SLC2A2: variants seen among roughly 807,000 people sequenced by gnomAD.
SLC2A2 encodes the protein solute carrier family 2, facilitated glucose transporter member 2.
In SLC2A2, 36 loss-of-function variants were observed where a neutral mutation model predicts 54.5. The observed-to-expected ratio is 0.66, with a 90% CI of 0.51 to 0.87. The LOEUF (loss-of-function observed/expected upper bound fraction) is 0.87, where lower values mean the gene tolerates loss of function less well. SLC2A2 is among the 40% of genes least tolerant of loss of function. The probability of loss-of-function intolerance (pLI) is 0.00; values close to 1 mark genes in which losing one functional copy is unlikely to be tolerated. For synonymous variants in SLC2A2, 223 were observed against 219.1 expected (o/e 1.02, Z -0.16); for missense variants, 543 against 624.3 (o/e 0.87, Z 1.39).
rs761992056 is a variant in SLC2A2, at chr3:171,018,580, C to T, written c.59G>A (p.Gly20Asp). The part of the protein sequence containing the change: ...LVFTVITAVL[G>D]SFQFGYDIGV... Reference sequence around the variant, plus strand: ...AATGTCATATCCAAACTGGAAGGAACCCAGCACAGCAGTGATGACAGTGAA... The same window carrying T: ...AATGTCATATCCAAACTGGAAGGAATCCAGCACAGCAGTGATGACAGTGAA... Residue 20 changes from glycine to aspartate, a missense_variant, in exon 2 of 11, where the codon GGT (glycine) becomes GAT (aspartate). By Grantham distance (94) the Gly-to-Asp change is moderately conservative. This residue lies in a region of SLC2A2 where 318 missense variants were observed against 343.8 expected (regional missense o/e 0.93). Coordinates refer to ENST00000314251, the MANE Select transcript of SLC2A2 (RefSeq NM_000340.2). The T allele has an allele frequency of 1.2e-6, 2 of 1,613,970 alleles. No individual in the cohort carries two copies. The highest frequency in any genetic ancestry group is 1.7e-6 in the Non-Finnish European group (2 of 1,179,878).
chr3:171,021,893 A>C (rs1366990028), intron 1 of SLC2A2, among the ~76,000 whole-genome samples: 4 of 152,138 alleles, frequency 2.6e-5, no homozygotes, highest in African/African-American at 7.2e-5. Flanking sequence ...GGTCCTTCTC[A>C]TGTTACATCT....
At chr3:171,010,900 G>C (rs1715853239) in intron 3 of SLC2A2, among the ~76,000 whole-genome samples, 1 of 152,014 alleles carries the variant, frequency 6.6e-6, no homozygotes, top group South Asian at 2.1e-4. Context: ...TAATTAATGG[G>C]AAAGCGAGGT....
intron 2 of SLC2A2, among the ~76,000 whole-genome samples, chr3:171,017,964 T>A (rs954996606): frequency 1.3e-5 from 2 of 152,194 alleles, no homozygotes; most frequent in Non-Finnish European, 2.9e-5. Flanking sequence ...TTACTTTGGG[T>A]CACCTATGGG....
At position 170,998,188 on chromosome 3, in the gene SLC2A2, C is replaced by G; in HGVS notation, c.1374+5G>C. 6.2e-7 allele frequency: 1 copy of G among 1,613,698 alleles called. No individual in the cohort carries two copies. The highest frequency in any genetic ancestry group is 8.5e-7 in the Non-Finnish European group (1 of 1,179,726). On this transcript the variant is annotated splice_donor_5th_base_variant and intron_variant, in intron 10 of 10. Transcript: ENST00000314251. ...AGTAAATCTGTGGAATATTAGGCTG[C>G]TTACCGCAATGTACTGGAAACACAG... is the stretch of plus-strand genomic sequence containing the variant.
chr3:171,024,257 A>G (rs548705289), intron 1 of SLC2A2, among the ~76,000 whole-genome samples: 1 of 152,292 alleles, frequency 6.6e-6, no homozygotes, highest in South Asian at 2.1e-4. Context: ...TTATCATCTC[A>G]TTCATTTCTT....
At chr3:171,021,614 C>G (rs934123196) in intron 1 of SLC2A2, among the ~76,000 whole-genome samples, 1 of 152,074 alleles carries the variant, frequency 6.6e-6, no homozygotes, top group African/African-American at 2.4e-5. Flanking sequence ...AGCGAGATCC[C>G]CATCTCTACA....
At chr3:171,002,846 C>T (rs1370014377) in intron 7 of SLC2A2, among the ~76,000 whole-genome samples, 166 bp from the exon 8 acceptor site, 1 of 152,008 alleles carries the variant, frequency 6.6e-6, no homozygotes, top group Non-Finnish European at 1.5e-5. Context: ...CTCAGTCTTC[C>T]TTTAGTGTTT....
At chr3:171,002,890 T>C (rs1193766601) in intron 7 of SLC2A2, among the ~76,000 whole-genome samples, 1 of 152,042 alleles carries the variant, frequency 6.6e-6, no homozygotes. Flanking sequence ...CCTCCTTATA[T>C]TTAGTTGAGA....
At chr3:171,017,151 C>T (rs772549073) in intron 2 of SLC2A2, among the ~76,000 whole-genome samples, 1 of 152,104 alleles carries the variant, frequency 6.6e-6, no homozygotes, top group Non-Finnish European at 1.5e-5. Flanking sequence ...TGCGCCCGGC[C>T]AGGGATGGTT....
chr3:171,019,075 GTATATATATATGTGTGTGTGTGTATATA>G (rs1716302038), intron 1 of SLC2A2, among the ~76,000 whole-genome samples: 1 of 134,460 alleles, frequency 7.4e-6, no homozygotes, highest in Non-Finnish European at 1.5e-5. Flanking sequence ...GTGTGTGTGT[GTATATATATATGTGTGTGTGTGTATATA>G]TATATATATA....
At position 170,997,814 on chromosome 3, in the gene SLC2A2, T is replaced by C. The variant is rs549221408; in HGVS notation, c.*89A>G. ...ATAAAAATAAAACAATACTTAAAGATGTGGATATAAAATGCTCAAGGAATC... is the reference window on the plus strand; with the variant it reads ...ATAAAAATAAAACAATACTTAAAGACGTGGATATAAAATGCTCAAGGAATC... On this transcript the variant is annotated 3_prime_UTR_variant, in exon 11 of 11. Coordinates refer to ENST00000314251, the MANE Select transcript of SLC2A2 (RefSeq NM_000340.2). 9.9e-7 allele frequency: 1 copy of C among 1,006,808 alleles called. No homozygotes were observed. Among genetic ancestry groups the C allele is most frequent in the Admixed American group, 1.9e-5 (1 of 52,332 alleles). The allele number at this position is 1,006,808 out of a possible 1,614,324, so 62.4% of individuals were successfully genotyped here.
chr3:171,020,661 T>C (rs1306358323), intron 1 of SLC2A2, among the ~76,000 whole-genome samples: 1 of 152,090 alleles, frequency 6.6e-6, no homozygotes, highest in Admixed American at 6.6e-5. Flanking sequence ...GGTGGGCAGA[T>C]GGCTTGAGCC....
intron 3 of SLC2A2, 69 bp from the exon 4 acceptor site, chr3:171,010,151 C>A: frequency 4.0e-6 from 6 of 1,507,930 alleles, no homozygotes; most frequent in Non-Finnish European, 5.5e-6. Context: ...GCTTTCAGAG[C>A]ATGTTGAGAT....
intron 3 of SLC2A2, 123 bp downstream of exon 3, chr3:171,014,346 A>C: frequency 9.8e-7 from 1 of 1,015,360 alleles, no homozygotes; most frequent in South Asian, 1.4e-5. Flanking sequence ...TCATAGGGTC[A>C]TGAGTTGAAA....
chr3:171,001,715 G>A (rs1441560986), intron 8 of SLC2A2, among the ~76,000 whole-genome samples: 2 of 151,728 alleles, frequency 1.3e-5, no homozygotes, highest in Admixed American at 1.3e-4. Context: ...TAGTTGGGGA[G>A]TTTTTGTCTT....
chr3:171,007,513 C>T (rs980871031), intron 4 of SLC2A2: 9 of 474,570 alleles, frequency 1.9e-5, no homozygotes, highest in Non-Finnish European at 2.7e-5. Flanking sequence ...TTCATTACAT[C>T]ATCTTATTTA....
intron 7 of SLC2A2, among the ~76,000 whole-genome samples, chr3:171,004,864 C>T (rs1715517452): frequency 6.6e-6 from 1 of 151,938 alleles, no homozygotes; most frequent in Non-Finnish European, 1.5e-5. Flanking sequence ...CTCTTTGCAC[C>T]TGGCTATCTG....
intron 1 of SLC2A2, among the ~76,000 whole-genome samples, chr3:171,021,485 A>G (rs1716464719): frequency 6.6e-6 from 1 of 152,182 alleles, no homozygotes. Flanking sequence ...AACAACACAA[A>G]TTTATTTATC....
chr3:171,002,824 A>C (rs1374126413), intron 7 of SLC2A2, 144 bp from the exon 8 acceptor site: 2 of 643,416 alleles, frequency 3.1e-6, no homozygotes, highest in Non-Finnish European at 5.6e-6. Flanking sequence ...TCTCCTTCCA[A>C]GGAAGAGAAC....
Sources: allele counts gnomAD v4.1 joint callset (sites outside exome capture counted in the v4.1 genomes callset), GRCh38; gene constraint gnomAD v4.1.1; regional missense constraint gnomAD v4.1.1; transcripts MANE v1.5; gene names NCBI Gene and HGNC (gene_info 2026-07-23, HGNC 2026-07-21).